NTNG1: variants seen among roughly 807,000 people sequenced by gnomAD.
The protein encoded by NTNG1 is netrin G1, also known as netrin-G1.
A neutral mutation model predicts 54.0 loss-of-function variants in NTNG1; 16 were observed. That is an observed-to-expected ratio of 0.30 (90% CI 0.20 to 0.45). The LOEUF (loss-of-function observed/expected upper bound fraction) is 0.45, where lower values mean the gene tolerates loss of function less well. Among genes scored for constraint, NTNG1 ranks in the 20% least tolerant of loss-of-function variants. NTNG1 has a pLI of 1.00. For missense variants in NTNG1, 530 were observed against 678.7 expected (o/e 0.78, Z 2.43); for synonymous variants, 255 against 263.1 (o/e 0.97, Z 0.30).
intron 2 of NTNG1, among the ~76,000 whole-genome samples, chr1:107,291,534 T>C (rs561525137): frequency 2.6e-5 from 4 of 152,092 alleles, no homozygotes; most frequent in Non-Finnish European, 4.4e-5. Flanking sequence ...CGTGTGTGTG[T>C]TTTTCATAAA....
chr1:107,210,550 C>T (rs1231435279), intron 2 of NTNG1, among the ~76,000 whole-genome samples: 1 of 152,160 alleles, frequency 6.6e-6, no homozygotes, highest in African/African-American at 2.4e-5. Flanking sequence ...GCAGCTCAGG[C>T]TATCCTCAAG....
At chr1:107,449,880 T>C (rs1269534523) in intron 7 of NTNG1, among the ~76,000 whole-genome samples, 1 of 152,128 alleles carries the variant, frequency 6.6e-6, no homozygotes, top group African/African-American at 2.4e-5. Context: ...CACACATGAT[T>C]AGCATTGCAC....
At chr1:107,248,441 T>G (rs1662344575) in intron 2 of NTNG1, among the ~76,000 whole-genome samples, 1 of 152,176 alleles carries the variant, frequency 6.6e-6, no homozygotes, top group African/African-American at 2.4e-5. Flanking sequence ...TGTAGCTGCC[T>G]TTACAAATTT....
At chr1:107,168,525 G>A (rs1161710273) in intron 2 of NTNG1, among the ~76,000 whole-genome samples, 1 of 151,888 alleles carries the variant, frequency 6.6e-6, no homozygotes, top group African/African-American at 2.4e-5. Context: ...GAGCATCTCT[G>A]CTCCCTTGAG....
intron 3 of NTNG1, among the ~76,000 whole-genome samples, chr1:107,385,541 G>A (rs1327514735): frequency 1.3e-5 from 2 of 151,472 alleles, no homozygotes; most frequent in African/African-American, 4.9e-5. Context: ...GTTGAGAGGT[G>A]TTATCTTTAT....
intron 2 of NTNG1, among the ~76,000 whole-genome samples, chr1:107,214,054 TAA>T (rs1290722756): frequency 1.3e-5 from 2 of 152,202 alleles, no homozygotes; most frequent in African/African-American, 4.8e-5. Flanking sequence ...TTAATAAATA[TAA>T]GTTCTTAATT....
intron 7 of NTNG1, among the ~76,000 whole-genome samples, chr1:107,465,524 A>G (rs185063023): frequency 9.8e-5 from 15 of 152,378 alleles, no homozygotes; most frequent in Admixed American, 8.5e-4. Flanking sequence ...CTATATCTTT[A>G]TCTAGATCAT....
intron 2 of NTNG1, among the ~76,000 whole-genome samples, chr1:107,174,378 A>G (rs1239177564): frequency 6.6e-6 from 1 of 152,008 alleles, no homozygotes; most frequent in Admixed American, 6.6e-5. Flanking sequence ...CCTTTAGTTT[A>G]TTGTGCTAAA....
At chr1:107,308,501 A>G (rs963691138) in intron 2 of NTNG1, among the ~76,000 whole-genome samples, 1 of 151,686 alleles carries the variant, frequency 6.6e-6, no homozygotes, top group Non-Finnish European at 1.5e-5. Context: ...ATTCTGTTCC[A>G]TTGGTCTCTG....
intron 2 of NTNG1, among the ~76,000 whole-genome samples, chr1:107,158,155 A>C (rs1157494945): frequency 6.6e-6 from 1 of 152,176 alleles, no homozygotes; most frequent in Non-Finnish European, 1.5e-5. Flanking sequence ...CTTGTATAAA[A>C]CTGCTGGTAT....
intron 5 of NTNG1, among the ~76,000 whole-genome samples, chr1:107,425,938 T>G (rs1674883023): frequency 6.6e-6 from 1 of 152,174 alleles, no homozygotes; most frequent in Admixed American, 6.6e-5. Context: ...TTAGTGATAC[T>G]GAGAATTTTT....
At chr1:107,165,364 C>T (rs1021707461) in intron 2 of NTNG1, among the ~76,000 whole-genome samples, 2 of 152,124 alleles carry the variant, frequency 1.3e-5, no homozygotes, top group African/African-American at 2.4e-5. Flanking sequence ...TATTAAAATT[C>T]CTACATTAAA....
chr1:107,441,688 G>A (rs1161643999), intron 7 of NTNG1, among the ~76,000 whole-genome samples: 4 of 151,972 alleles, frequency 2.6e-5, no homozygotes, highest in Non-Finnish European at 4.4e-5. Flanking sequence ...TGAGGTAAGA[G>A]GCTCTGGGGA....
chr1:107,371,595 T>C (rs762790265), intron 3 of NTNG1, among the ~76,000 whole-genome samples: 3 of 151,986 alleles, frequency 2.0e-5, no homozygotes, highest in Non-Finnish European at 2.9e-5. Flanking sequence ...ATTAAATAAA[T>C]TGAACTTGTA....
At chr1:107,445,748 C>A (rs1340667100) in intron 7 of NTNG1, among the ~76,000 whole-genome samples, 1 of 152,058 alleles carries the variant, frequency 6.6e-6, no homozygotes, top group Non-Finnish European at 1.5e-5. Flanking sequence ...GCTCTGTAGG[C>A]CATACAGTCT....
At position 107,255,649 on chromosome 1, in the gene NTNG1, T is replaced by G. The variant is rs142283012; in HGVS notation, c.247-68633T>G. Reference sequence around the variant, plus strand: ...CCAGTCGAATACGAAATTCTAGTAATTCAAGTTTTTCAACTTACCACCCAC... The same window carrying G: ...CCAGTCGAATACGAAATTCTAGTAAGTCAAGTTTTTCAACTTACCACCCAC... On this transcript the variant is annotated intron_variant, in intron 2 of 7. Coordinates refer to ENST00000370068, the MANE Select transcript of NTNG1 (RefSeq NM_001113226.3). Among the ~76,000 whole-genome samples, 10 of 152,352 alleles carry G rather than the reference T, an allele frequency of 6.6e-5. No individual in the cohort carries two copies. In the East Asian group the frequency reaches 1.9e-3, roughly 29 times the overall value.
At chr1:107,264,367 C>G (rs1663589712) in intron 2 of NTNG1, among the ~76,000 whole-genome samples, 2 of 152,070 alleles carry the variant, frequency 1.3e-5, no homozygotes, top group South Asian at 4.2e-4. Flanking sequence ...GCTGAAAGGC[C>G]CATTCATTAC....
intron 3 of NTNG1, among the ~76,000 whole-genome samples, chr1:107,390,903 T>C (rs2101071689): frequency 6.6e-6 from 1 of 152,312 alleles, no homozygotes; most frequent in Non-Finnish European, 1.5e-5. Flanking sequence ...AAAGATGCTA[T>C]GGGTTTTATT....
intron 2 of NTNG1, among the ~76,000 whole-genome samples, chr1:107,242,025 C>T (rs550730098): frequency 6.6e-6 from 1 of 152,280 alleles, no homozygotes; most frequent in African/African-American, 2.4e-5. Flanking sequence ...GTAATCCCAG[C>T]ACTTTGGAAG....
Sources: gnomAD v4.1 joint callset for allele counts (sites outside exome capture counted in the v4.1 genomes callset) on GRCh38, gnomAD v4.1.1 for gene constraint, MANE v1.5 for transcripts, NCBI Gene and HGNC (gene_info 2026-07-23, HGNC 2026-07-21) for gene names.